Variants in ZNF469 observed in about 807,000 individuals in gnomAD.
ZNF469 encodes the protein zinc finger protein 469.
A neutral mutation model predicts 1.0 loss-of-function variants in ZNF469; 1 was observed. The ratio of observed to expected loss-of-function variants is 1.00; its 90% CI spans 0.35 to 4.73. ZNF469 has a LOEUF of 4.73. ZNF469 is among the 30% of genes most tolerant of loss of function. The probability of loss-of-function intolerance (pLI) is 0.16; values close to 1 mark genes in which losing one functional copy is unlikely to be tolerated. For missense variants in ZNF469, 6,100 were observed against 5,356.3 expected (o/e 1.14, Z -4.33); for synonymous variants, 2,703 against 2,363.4 (o/e 1.14, Z -4.17).
chr16:88,381,120 GCACACACAGACATGCACTCACACACA>G (rs1567495895), upstream of ZNF469, among the ~76,000 whole-genome samples: 1 of 47,118 alleles, frequency 2.1e-5, no homozygotes, highest in African/African-American at 8.8e-5. Context: ...TCGCACACAC[GCACACACAGACATGCACTCACACACA>G]CACTCACACA....
chr16:88,243,945 T>A, the ZNF469 span, among the ~76,000 whole-genome samples: 3 of 122,866 alleles, frequency 2.4e-5, no homozygotes, highest in Non-Finnish European at 5.1e-5. Context: ...TATATATATA[T>A]ATATATAAAT....
chr16:88,203,850 G>C, the ZNF469 span, among the ~76,000 whole-genome samples: 148,728 of 152,258 alleles, frequency 0.98, 72,746 homozygotes, highest in East Asian at 1. Context: ...TGCAAAGAGC[G>C]CATTTCCAAC....
intron 1 of ZNF469, among the ~76,000 whole-genome samples, chr16:88,391,005 G>A (rs1045642072): frequency 6.6e-6 from 1 of 152,228 alleles, no homozygotes; most frequent in African/African-American, 2.4e-5. Flanking sequence ...AATGGCCCGC[G>A]TCATTCTCTC....
rs1267796919 is a variant in ZNF469, at chr16:88,430,146, T to G, written c.2676T>G (p.Thr892=). Residue 892 remains threonine (T), a synonymous_variant, in exon 3 of 3, where the codon ACT becomes ACG. Coordinates refer to ENST00000565624, the MANE Select transcript of ZNF469 (RefSeq NM_001367624.2). The part of the protein sequence containing the change: ...GHPLKSKAGV[T]PESKAPPPLP... Reference sequence around the variant, plus strand: ...CCCTTAAGAGCAAGGCGGGGGTGACTCCAGAGAGCAAAGCTCCGCCCCCGC... The same window carrying G: ...CCCTTAAGAGCAAGGCGGGGGTGACGCCAGAGAGCAAAGCTCCGCCCCCGC... The G allele has an allele frequency of 1.3e-6, 2 of 1,549,602 alleles. No individual in the cohort carries two copies. The highest frequency in any genetic ancestry group is 2.4e-5 in the East Asian group (1 of 40,862).
Position 88,415,464 on chromosome 16 carries a change from G to T in ZNF469, c.-191-9343G>T, listed in dbSNP as rs1323187607. On this transcript the variant is annotated intron_variant, in intron 1 of 2. Coordinates refer to ENST00000565624, the MANE Select transcript of ZNF469 (RefSeq NM_001367624.2). ...GGAACCCAGGGGCCTGTGCTGCGGG[G>T]GGCAGTGCTGTGCCCATTTTACAGC... Among the ~76,000 whole-genome samples, 4 of 152,188 alleles carry T rather than the reference G, an allele frequency of 2.6e-5. No individual in the cohort carries two copies. The South Asian group carries it at 6.2e-4, about 24-fold the overall frequency.
intron 1 of ZNF469, among the ~76,000 whole-genome samples, chr16:88,410,780 C>T (rs1036737783): frequency 2.1e-4 from 32 of 152,294 alleles, no homozygotes; most frequent in African/African-American, 7.0e-4. Context: ...GTTGATGGTG[C>T]AGGTCACGTG....
chr16:88,438,008 C>G lies in ZNF469; in HGVS notation c.10538C>G (p.Ser3513Trp), dbSNP rs772753807. 1.9e-6 allele frequency: 3 copies of G among 1,549,578 alleles called. No individual in the cohort carries two copies. The highest frequency in any genetic ancestry group is 2.0e-5 in the Admixed American group (1 of 51,002). Residue 3513 changes from serine (S) to tryptophan (W), a missense_variant, in exon 3 of 3, where the codon TCG becomes TGG. Coordinates refer to ENST00000565624, the MANE Select transcript of ZNF469 (RefSeq NM_001367624.2). ...CTCCCGGCCCTGCTCCACCTGTGTT[C>G]GGAGGTGGCTCCCAGCACCACCAAG... ...GSLPALLHLC[S>W]EVAPSTTKGW... is the part of the protein sequence containing the mutation.
chr16:88,121,661 GA>G, the ZNF469 span, among the ~76,000 whole-genome samples: 1 of 152,102 alleles, frequency 6.6e-6, no homozygotes, highest in Non-Finnish European at 1.5e-5. Flanking sequence ...ATGACCTAAG[GA>G]ATCATATATC....
At chr16:88,390,986 G>A (rs1904477351) in intron 1 of ZNF469, among the ~76,000 whole-genome samples, 1 of 152,240 alleles carries the variant, frequency 6.6e-6, no homozygotes, top group Admixed American at 6.5e-5. Flanking sequence ...CACACCACAG[G>A]CCCGGGTGAA....
the ZNF469 span, among the ~76,000 whole-genome samples, chr16:88,128,150 G>T: frequency 6.6e-6 from 1 of 152,250 alleles, no homozygotes; most frequent in South Asian, 2.1e-4. Flanking sequence ...CCCAGATGGC[G>T]AGACGGCACC....
chr16:88,166,402 C>T, the ZNF469 span, among the ~76,000 whole-genome samples: 1 of 152,056 alleles, frequency 6.6e-6, no homozygotes, highest in Non-Finnish European at 1.5e-5. The surrounding 1 kb of genome is among the most constrained non-coding windows in gnomAD (Gnocchi z 4.5). Flanking sequence ...AGAGTGCAAT[C>T]GTTGTTTACG....
At chr16:88,356,050 C>T in the ZNF469 span, among the ~76,000 whole-genome samples, 2 of 152,142 alleles carry the variant, frequency 1.3e-5, no homozygotes, top group East Asian at 1.9e-4. Flanking sequence ...CACCACCAGC[C>T]TTCATCATCA....
At chr16:88,133,985 C>T in the ZNF469 span, among the ~76,000 whole-genome samples, 16 of 152,182 alleles carry the variant, frequency 1.1e-4, no homozygotes, top group South Asian at 1.7e-3. Flanking sequence ...ATCCCAGCTA[C>T]TCGAGAGGCT....
chr16:88,322,147 C>A, the ZNF469 span, among the ~76,000 whole-genome samples: 2 of 152,224 alleles, frequency 1.3e-5, no homozygotes, highest in Non-Finnish European at 2.9e-5. Context: ...GCTGCTCCGA[C>A]CCTCCCCGCG....
At chr16:88,346,146 C>T in the ZNF469 span, among the ~76,000 whole-genome samples, 1 of 152,156 alleles carries the variant, frequency 6.6e-6, no homozygotes, top group Non-Finnish European at 1.5e-5. Flanking sequence ...CGTGGGTGCC[C>T]GACAGATATC....
At chr16:88,269,787 G>C in the ZNF469 span, among the ~76,000 whole-genome samples, 1 of 152,170 alleles carries the variant, frequency 6.6e-6, no homozygotes, top group Non-Finnish European at 1.5e-5. Flanking sequence ...TATTCCATGA[G>C]TTACAACCTC....
chr16:88,378,740 G>C (rs2092514742), upstream of ZNF469, among the ~76,000 whole-genome samples: 2 of 152,162 alleles, frequency 1.3e-5, no homozygotes, highest in African/African-American at 4.8e-5. Flanking sequence ...CTTTGGGATG[G>C]GCTCTTTGCA....
the ZNF469 span, among the ~76,000 whole-genome samples, chr16:88,210,437 T>C: frequency 6.6e-6 from 1 of 152,200 alleles, no homozygotes; most frequent in Non-Finnish European, 1.5e-5. Context: ...TGCATTTGGA[T>C]GTTGAAAAGT....
chr16:88,198,929 A>G, the ZNF469 span, among the ~76,000 whole-genome samples: 13 of 152,320 alleles, frequency 8.5e-5, no homozygotes, highest in African/African-American at 2.9e-4. Flanking sequence ...GGCCCCTGGC[A>G]ACTCCAGGGC....
Sources: allele counts gnomAD v4.1 joint callset (sites outside exome capture counted in the v4.1 genomes callset), GRCh38; gene constraint gnomAD v4.1.1; non-coding constraint Gnocchi (gnomAD v3.1); transcripts MANE v1.5; gene names NCBI Gene and HGNC (gene_info 2026-07-23, HGNC 2026-07-21).